Variants in OR4D9 observed in about 807,000 individuals in gnomAD.
The protein encoded by OR4D9 is olfactory receptor 4D9.
OR4D9 carries 2 observed loss-of-function variants against 0.8 expected under a neutral mutation model. That is an observed-to-expected ratio of 2.58 (90% CI 1.06 to 8.13). The LOEUF (loss-of-function observed/expected upper bound fraction) is 8.13, where lower values mean the gene tolerates loss of function less well. Ranked by LOEUF, OR4D9 falls within the 30% of genes most tolerant of loss-of-function variation. The pLI, the probability that OR4D9 is intolerant of heterozygous loss-of-function variation, is 0.04. For missense variants in OR4D9, 399 were observed against 384.7 expected, an observed-to-expected ratio of 1.04 and a Z score of -0.31; for synonymous variants, 146 against 151.2, an observed-to-expected ratio of 0.97 and a Z score of 0.25.
Position 59,513,081 on chromosome 11 carries a change from A to AT in OR4D9, c.-125+1347dup, listed in dbSNP as rs758874668. On this transcript the variant is annotated intron_variant, in intron 1 of 2. Coordinates refer to ENST00000641962, the MANE Select transcript of OR4D9 (RefSeq NM_001004711.2). ...CGCACATACATGTACAGCTCAATGA[A>AT]TTTTTTTTTTTTGAGATGGAGTCTC... Among the ~76,000 whole-genome samples, 919 of 147,868 alleles carry AT rather than the reference A, an allele frequency of 6.2e-3. 6 individuals carry two copies. The highest frequency in any genetic ancestry group is 0.033 in the East Asian group (170 of 5,080).
At chr11:59,513,035 A>T (rs1859349932) in intron 1 of OR4D9, among the ~76,000 whole-genome samples, 1 of 152,188 alleles carries the variant, frequency 6.6e-6, no homozygotes, top group African/African-American at 2.4e-5. Context: ...CTGAAGTATG[A>T]TATGCTAACA....
At position 59,514,720 on chromosome 11, in the gene OR4D9, C is replaced by A; in HGVS notation, c.-77C>A. ...TCTCCTGGGATGACTGAATCAAAAA[C>A]CTGGGTAATCTTTCATCCAGTGGTG... On this transcript the variant is annotated 5_prime_UTR_variant, in exon 2 of 3. Transcript: ENST00000641962. 2.0e-6 allele frequency: 1 copy of A among 500,680 alleles called. No individual in the cohort carries two copies. Among genetic ancestry groups the A allele is most frequent in the South Asian group, 3.8e-5 (1 of 26,226 alleles). The allele number at this position is 500,680 out of a possible 1,614,324, so 31.0% of individuals were successfully genotyped here.
chr11:59,517,594 G>T lies in OR4D9; in HGVS notation c.*1737G>T, dbSNP rs1859420905. ...CGCCTGTAATCCCAGCACTTTGGGA[G>T]GCTGAGGCGGGTGGATCACGAGGTT... On this transcript the variant is annotated 3_prime_UTR_variant, in exon 3 of 3. Coordinates refer to ENST00000641962, the MANE Select transcript of OR4D9 (RefSeq NM_001004711.2). 6.6e-6 allele frequency: 1 copy of T among 152,272 alleles called. No homozygotes were observed. Among genetic ancestry groups the T allele is most frequent in the Non-Finnish European group, 1.5e-5 (1 of 68,074 alleles). 9.4% of individuals were successfully genotyped at this position (152,272 alleles called of 1,614,324 possible).
Position 59,515,128 on chromosome 11 carries a change from C to T in OR4D9, c.216C>T (p.Cys72=), listed in dbSNP as rs544227633. ...LLRNLSILDI[C]FSSITAPKVL... Reference sequence around the variant, plus strand: ...GCAACCTGTCTATTCTTGACATCTGCTTTTCCTCCATCACAGCTCCTAAGG... The same window carrying T: ...GCAACCTGTCTATTCTTGACATCTGTTTTTCCTCCATCACAGCTCCTAAGG... Residue 72 remains cysteine (C), a synonymous_variant, in exon 3 of 3, where the codon TGC becomes TGT. Transcript: ENST00000641962. The T allele has an allele frequency of 6.2e-6, 10 of 1,614,170 alleles. No homozygotes were observed. In the East Asian group the frequency reaches 1.8e-4, roughly 29 times the overall value.
chr11:59,515,016 A>G lies in OR4D9; in HGVS notation c.104A>G (p.Tyr35Cys). 3 of 1,614,026 alleles carry G rather than the reference A, an allele frequency of 1.9e-6. No individual in the cohort carries two copies. The South Asian group carries it at 3.3e-5, about 18-fold the overall frequency. Residue 35 changes from tyrosine to cysteine, a missense_variant, in exon 3 of 3, where the codon TAC becomes TGC. Physicochemically the swap from Tyr to Cys is radical, Grantham distance 194. Transcript: ENST00000641962. Reference sequence around the variant, plus strand: ...TTATTTACCTTCCTGTTTTTGGTGTACATGACAACTCTAATGGGAAACTTC... The same window carrying G: ...TTATTTACCTTCCTGTTTTTGGTGTGCATGACAACTCTAATGGGAAACTTC... The part of the protein sequence containing the change: ...QVLFTFLFLV[Y>C]MTTLMGNFLI...
intron 1 of OR4D9, among the ~76,000 whole-genome samples, chr11:59,512,332 T>G (rs1354457367): frequency 6.8e-6 from 1 of 146,536 alleles, no homozygotes; most frequent in East Asian, 2.1e-4. Flanking sequence ...AGAGTCTCAC[T>G]TTGTCACCCA....
Position 59,515,672 on chromosome 11 carries a change from T to A in OR4D9, c.760T>A (p.Cys254Ser). 1 of 1,614,202 alleles carries A rather than the reference T, an allele frequency of 6.2e-7. No individual in the cohort carries two copies. ...ITVVTLHFVP[C>S]IYVYARPFTA... ...CGTGGTGACCCTGCATTTCGTGCCC[T>A]GCATCTATGTCTATGCCCGGCCCTT... is the stretch of plus-strand genomic sequence containing the variant. The change falls in exon 3 of 3, where the codon TGC becomes AGC. Residue 254 changes from cysteine (C) to serine (S), a missense_variant. Physicochemically the swap from Cys to Ser is moderately radical, Grantham distance 112 (BLOSUM62 -1). Transcript: ENST00000641962.
intron 1 of OR4D9, among the ~76,000 whole-genome samples, chr11:59,511,990 GA>G (rs1859332515): frequency 6.6e-6 from 1 of 152,170 alleles, no homozygotes; most frequent in South Asian, 2.1e-4. Flanking sequence ...TGAAATTTTG[GA>G]AGATTTGAGT....
intron 1 of OR4D9, among the ~76,000 whole-genome samples, chr11:59,512,762 G>A (rs565312598): frequency 1.6e-4 from 25 of 151,908 alleles, no homozygotes; most frequent in African/African-American, 6.0e-4. Flanking sequence ...AGCCCAGGAA[G>A]CGGAGGTTGC....
intron 1 of OR4D9, among the ~76,000 whole-genome samples, chr11:59,512,502 C>T (rs574061628): frequency 1.3e-4 from 19 of 149,084 alleles, no homozygotes; most frequent in African/African-American, 4.4e-4. Context: ...AAGAACATCT[C>T]AAATCCATAC....
chr11:59,515,766 T>A lies in OR4D9; in HGVS notation c.854T>A (p.Ile285Lys). 1 of 1,614,054 alleles carries A rather than the reference T, an allele frequency of 6.2e-7. No homozygotes were observed. The highest frequency in any genetic ancestry group is 8.5e-7 in the Non-Finnish European group (1 of 1,180,002). Residue 285 changes from isoleucine to lysine, a missense_variant, in exon 3 of 3, where the codon ATA becomes AAA. By Grantham distance (102) the Ile-to-Lys change is moderately radical. Transcript: ENST00000641962. Reference sequence around the variant, plus strand: ...GTCATCTCCCCTTTGCTCAATCCTATAATTTACACGCTGAGGAATCAGGAA... The same window carrying A: ...GTCATCTCCCCTTTGCTCAATCCTAAAATTTACACGCTGAGGAATCAGGAA... ...FTVISPLLNP[I>K]IYTLRNQEMK... is the part of the protein sequence containing the mutation.
intron 1 of OR4D9, among the ~76,000 whole-genome samples, 178 bp from the exon 2 acceptor site, chr11:59,514,495 A>G (rs1859373320): frequency 6.6e-6 from 1 of 152,210 alleles, no homozygotes; most frequent in Non-Finnish European, 1.5e-5. Context: ...TCTCAGATAA[A>G]TGTATTGTAA....
Position 59,514,724 on chromosome 11 carries a change from G to C in OR4D9, c.-73G>C, listed in dbSNP as rs902532891. On this transcript the variant is annotated 5_prime_UTR_variant, in exon 2 of 3. Transcript: ENST00000641962. ...CTGGGATGACTGAATCAAAAACCTG[G>C]GTAATCTTTCATCCAGTGGTGGCAT... is the stretch of plus-strand genomic sequence containing the variant. 5 of 509,218 alleles carry C rather than the reference G, an allele frequency of 9.8e-6. No individual in the cohort carries two copies. The highest frequency in any genetic ancestry group is 7.4e-5 in the Admixed American group (2 of 27,096). 31.5% of individuals were successfully genotyped at this position (509,218 alleles called of 1,614,324 possible). A position where few individuals can be genotyped will look rare whatever the true frequency, so the allele number is the denominator to read the frequency against.
chr11:59,511,728 T>C lies in OR4D9; in HGVS notation c.-143T>C, dbSNP rs1010480149. 1 of 152,204 alleles carries C rather than the reference T, an allele frequency of 6.6e-6. No homozygotes were observed. Among genetic ancestry groups the C allele is most frequent in the Admixed American group, 6.5e-5 (1 of 15,278 alleles). 9.4% of individuals were successfully genotyped at this position (152,204 alleles called of 1,614,324 possible). A position where few individuals can be genotyped will look rare whatever the true frequency, so the allele number is the denominator to read the frequency against. On this transcript the variant is annotated 5_prime_UTR_variant, in exon 1 of 3. Transcript: ENST00000641962. ...ATGTTCCTATGGAAGTCAAGACTCT[T>C]AAGAAGCAAAGAAAAGAGGTAGTTT...
rs948025673 is a variant in OR4D9, at chr11:59,515,766, T to C, written c.854T>C (p.Ile285Thr). 9.3e-6 allele frequency: 15 copies of C among 1,613,936 alleles called. No individual in the cohort carries two copies. Among genetic ancestry groups the C allele is most frequent in the Non-Finnish European group, 1.2e-5 (14 of 1,180,010 alleles). ...FTVISPLLNP[I>T]IYTLRNQEMK... ...GTCATCTCCCCTTTGCTCAATCCTA[T>C]AATTTACACGCTGAGGAATCAGGAA... The change falls in exon 3 of 3, where the codon ATA becomes ACA. Residue 285 changes from isoleucine to threonine, a missense_variant. Physicochemically the swap from Ile to Thr is moderately conservative, Grantham distance 89 (BLOSUM62 -1). Coordinates refer to ENST00000641962, the MANE Select transcript of OR4D9 (RefSeq NM_001004711.2).
intron 1 of OR4D9, among the ~76,000 whole-genome samples, chr11:59,512,452 G>T (rs986440735): frequency 1.4e-5 from 2 of 144,500 alleles, no homozygotes; most frequent in Non-Finnish European, 1.5e-5. Context: ...ACTCCAGCCT[G>T]GGCGACACAG....
rs927898911 is a variant in OR4D9 at position 59,516,008 on chromosome 11, G to A, written c.*151G>A. ...TTCCATCATATATGTTGGGGACCAC[G>A]TGGATGATACTGCTCTAAGACAAAA... On this transcript the variant is annotated 3_prime_UTR_variant, in exon 3 of 3. Coordinates refer to ENST00000641962, the MANE Select transcript of OR4D9 (RefSeq NM_001004711.2). 2.7e-5 allele frequency: 17 copies of A among 622,550 alleles called. No homozygotes were observed. Among genetic ancestry groups the A allele is most frequent in the Non-Finnish European group, 4.1e-5 (15 of 362,714 alleles). The allele number at this position is 622,550 out of a possible 1,614,324, so 38.6% of individuals were successfully genotyped here.
rs1338147987 is a variant in OR4D9, at chr11:59,518,708, C to G, written c.*2851C>G. On this transcript the variant is annotated 3_prime_UTR_variant, in exon 3 of 3. Transcript: ENST00000641962. ...GAACATGCTCATGCTGTCTTATGCT[C>G]CACAGTCTCTAGATCCTCATAATCC... The G allele has an allele frequency of 6.6e-6, 1 of 152,160 alleles. No homozygotes were observed. The highest frequency in any genetic ancestry group is 6.5e-5 in the Admixed American group (1 of 15,268). The allele number at this position is 152,160 out of a possible 1,614,324, so 9.4% of individuals were successfully genotyped here. A position where few individuals can be genotyped will look rare whatever the true frequency, so the allele number is the denominator to read the frequency against.
At chr11:59,513,652 A>G (rs1216034220) in intron 1 of OR4D9, among the ~76,000 whole-genome samples, 3 of 152,092 alleles carry the variant, frequency 2.0e-5, no homozygotes, top group Admixed American at 6.6e-5. Flanking sequence ...AATCAGTGCT[A>G]CTGGTGAGGT....
Sources: gnomAD v4.1 joint callset for allele counts (sites outside exome capture counted in the v4.1 genomes callset) on GRCh38, gnomAD v4.1.1 for gene constraint, MANE v1.5 for transcripts, NCBI Gene and HGNC (gene_info 2026-07-23, HGNC 2026-07-21) for gene names.